The following HS3ST4 variants were observed in gnomAD, a reference collection of about 807,000 sequenced individuals.
The protein encoded by HS3ST4 is heparan sulfate-glucosamine 3-sulfotransferase 4.
In HS3ST4, 17 loss-of-function variants were observed where a neutral mutation model predicts 29.2. The observed-to-expected ratio is 0.58, with a 90% CI of 0.40 to 0.87. The LOEUF (loss-of-function observed/expected upper bound fraction) is 0.87. HS3ST4 is among the 40% of genes least tolerant of loss of function. The pLI, the probability that HS3ST4 is intolerant of heterozygous loss-of-function variation, is 0.00. For missense variants in HS3ST4, 627 were observed against 634.5 expected, an observed-to-expected ratio of 0.99 and a Z score of 0.13; for synonymous variants, 314 against 285.7, an observed-to-expected ratio of 1.10 and a Z score of -1.00.
At chr16:26,014,123 T>C (rs1016973684) in intron 1 of HS3ST4, among the ~76,000 whole-genome samples, 4 of 152,122 alleles carry the variant, frequency 2.6e-5, no homozygotes, top group Non-Finnish European at 4.4e-5. Flanking sequence ...TTATTTTCCT[T>C]TGTGGCAATT....
At chr16:25,762,876 C>CAAAAAAAAAAAAAAAAAA (rs67260535) in intron 1 of HS3ST4, among the ~76,000 whole-genome samples, 2 of 60,470 alleles carry the variant, frequency 3.3e-5, no homozygotes, top group African/African-American at 6.1e-5. Flanking sequence ...GACCCTGTCT[C>CAAAAAAAAAAAAAAAAAA]AAAAAAAAAA....
At chr16:26,118,335 C>A (rs942935892) in intron 1 of HS3ST4, among the ~76,000 whole-genome samples, 3 of 152,174 alleles carry the variant, frequency 2.0e-5, no homozygotes, top group African/African-American at 7.2e-5. Context: ...CTGCCTTGGA[C>A]TCCCAAAGTT....
At chr16:25,773,077 C>T (rs1453202798) in intron 1 of HS3ST4, among the ~76,000 whole-genome samples, 1 of 152,234 alleles carries the variant, frequency 6.6e-6, no homozygotes, top group Non-Finnish European at 1.5e-5. Flanking sequence ...ATACATGCCA[C>T]ATACCGTACT....
At chr16:26,006,982 C>T (rs1057116320) in intron 1 of HS3ST4, among the ~76,000 whole-genome samples, 7 of 152,220 alleles carry the variant, frequency 4.6e-5, no homozygotes, top group South Asian at 2.1e-4. Context: ...GTTAAAGGCA[C>T]GATGAGGGTT....
chr16:26,076,196 TGA>T (rs965875896), intron 1 of HS3ST4, among the ~76,000 whole-genome samples: 25 of 152,272 alleles, frequency 1.6e-4, no homozygotes, highest in African/African-American at 6.0e-4. Flanking sequence ...AGGAATAACG[TGA>T]GAGAGAGGCA....
chr16:25,770,769 A>G (rs748784125), intron 1 of HS3ST4, among the ~76,000 whole-genome samples: 4 of 152,202 alleles, frequency 2.6e-5, no homozygotes, highest in Non-Finnish European at 5.9e-5. Context: ...CTTCGATGGA[A>G]GCTGAATGTT....
chr16:25,951,146 T>C (rs949398296), intron 1 of HS3ST4, among the ~76,000 whole-genome samples: 5 of 152,174 alleles, frequency 3.3e-5, no homozygotes, highest in Admixed American at 2.0e-4. Flanking sequence ...TGGGTGGAAC[T>C]GGAAGCTGAG....
intron 1 of HS3ST4, among the ~76,000 whole-genome samples, chr16:25,823,764 A>T (rs1364591064): frequency 1.3e-5 from 2 of 152,122 alleles, no homozygotes. Flanking sequence ...GGGTTTCACC[A>T]TGTTGGCCAG....
chr16:25,838,285 A>G (rs1454662003), intron 1 of HS3ST4, among the ~76,000 whole-genome samples: 1 of 152,102 alleles, frequency 6.6e-6, no homozygotes, highest in Non-Finnish European at 1.5e-5. Context: ...GCTTCTTCTT[A>G]TCTTAGTTAG....
chr16:25,968,020 C>A (rs547030059), intron 1 of HS3ST4, among the ~76,000 whole-genome samples: 2 of 152,204 alleles, frequency 1.3e-5, no homozygotes, highest in Admixed American at 1.3e-4. Context: ...GAAGGGTTGT[C>A]ATGGGGGAGA....
At chr16:25,797,597 A>G (rs984046790) in intron 1 of HS3ST4, among the ~76,000 whole-genome samples, 1 of 152,184 alleles carries the variant, frequency 6.6e-6, no homozygotes, top group African/African-American at 2.4e-5. Flanking sequence ...CCTCTTGACC[A>G]TTCCAAACAC....
intron 1 of HS3ST4, among the ~76,000 whole-genome samples, chr16:26,010,283 G>T (rs4787795): frequency 6.6e-6 from 1 of 151,870 alleles, no homozygotes; most frequent in Non-Finnish European, 1.5e-5. Flanking sequence ...GCAAAAGCCC[G>T]TCTCTACTGA....
At chr16:25,868,255 A>T (rs932946239) in intron 1 of HS3ST4, among the ~76,000 whole-genome samples, 1 of 152,120 alleles carries the variant, frequency 6.6e-6, no homozygotes, top group Non-Finnish European at 1.5e-5. Flanking sequence ...GAATGAACAG[A>T]CTTAGAACTT....
intron 1 of HS3ST4, among the ~76,000 whole-genome samples, chr16:26,054,754 G>A (rs1370227479): frequency 6.6e-6 from 1 of 152,086 alleles, no homozygotes; most frequent in African/African-American, 2.4e-5. Context: ...CCAACTCATA[G>A]TCAGGAGCAG....
At chr16:25,839,457 CAGTT>C (rs1170829527) in intron 1 of HS3ST4, among the ~76,000 whole-genome samples, 10 of 152,254 alleles carry the variant, frequency 6.6e-5, no homozygotes, top group Admixed American at 5.2e-4. Context: ...ACCTTTAAGA[CAGTT>C]AGTAGTGGTT....
intron 1 of HS3ST4, among the ~76,000 whole-genome samples, chr16:25,989,640 G>A (rs1969097387): frequency 6.6e-6 from 1 of 152,122 alleles, no homozygotes; most frequent in Admixed American, 6.5e-5. Context: ...CAAAGTTAAG[G>A]TCCCGTATGA....
intron 1 of HS3ST4, among the ~76,000 whole-genome samples, chr16:26,124,339 CT>C (rs569228675): frequency 2.6e-5 from 4 of 151,840 alleles, no homozygotes; most frequent in African/African-American, 2.4e-5. Flanking sequence ...CTGTAGTTTT[CT>C]TTTTTTTCTC....
Position 26,058,173 on chromosome 16 carries a change from A to C in HS3ST4, c.735-77439A>C, listed in dbSNP as rs139987831. ...TAACTGTGGCTGTGTGATTCCTAGC[A>C]AGTGACCAAACCTTTCTGAAATTTA... On this transcript the variant is annotated intron_variant, in intron 1 of 1. Coordinates refer to ENST00000331351, the MANE Select transcript of HS3ST4 (RefSeq NM_006040.3). Among the ~76,000 whole-genome samples the C allele has an allele frequency of 2.4e-4, 37 of 152,324 alleles. No individual in the cohort carries two copies. In the East Asian group the frequency reaches 6.8e-3, roughly 28 times the overall value.
chr16:25,939,198 C>G (rs1968549104), intron 1 of HS3ST4, among the ~76,000 whole-genome samples: 1 of 151,982 alleles, frequency 6.6e-6, no homozygotes, highest in Non-Finnish European at 1.5e-5. Flanking sequence ...ATTTGTTGCC[C>G]TATAAGCAAT....
Sources: gnomAD v4.1 joint callset for allele counts (sites outside exome capture counted in the v4.1 genomes callset) on GRCh38, gnomAD v4.1.1 for gene constraint, MANE v1.5 for transcripts, NCBI Gene and HGNC (gene_info 2026-07-23, HGNC 2026-07-21) for gene names.